Variants in PTPN4 observed in about 807,000 individuals in gnomAD.
The protein encoded by PTPN4 is tyrosine-protein phosphatase non-receptor type 4.
A neutral mutation model predicts 135.5 loss-of-function variants in PTPN4; 49 were observed. The observed-to-expected ratio is 0.36, with a 90% CI of 0.29 to 0.46. The LOEUF (loss-of-function observed/expected upper bound fraction) is 0.46, where lower values mean the gene tolerates loss of function less well. PTPN4 is among the 20% of genes least tolerant of loss of function. The pLI is 1.00. For missense variants in PTPN4, 860 were observed against 1,101.0 expected, an observed-to-expected ratio of 0.78 and a Z score of 3.10; for synonymous variants, 333 against 369.9, an observed-to-expected ratio of 0.90 and a Z score of 1.14.
intron 1 of PTPN4, among the ~76,000 whole-genome samples, chr2:119,801,905 T>G (rs1391126144): frequency 1.4e-5 from 2 of 145,964 alleles, no homozygotes; most frequent in Non-Finnish European, 3.0e-5. Context: ...TTTCCGTTTT[T>G]TTTTTTTTTT....
chr2:119,883,460 T>A (rs1678109706), intron 8 of PTPN4, among the ~76,000 whole-genome samples: 1 of 152,184 alleles, frequency 6.6e-6, no homozygotes, highest in South Asian at 2.1e-4. Context: ...TTTTTTTGTG[T>A]GAGTATAATT....
chr2:119,835,215 C>T (rs1272824931), intron 2 of PTPN4, among the ~76,000 whole-genome samples: 1 of 152,064 alleles, frequency 6.6e-6, no homozygotes, highest in Non-Finnish European at 1.5e-5. Context: ...GACAGAGTCT[C>T]ACTCTGTCGC....
chr2:119,889,530 T>C (rs1383300150), intron 9 of PTPN4, among the ~76,000 whole-genome samples: 1 of 152,248 alleles, frequency 6.6e-6, no homozygotes, highest in Non-Finnish European at 1.5e-5. Flanking sequence ...TCTTGGTTAG[T>C]CTAGCAGTTT....
intron 15 of PTPN4, among the ~76,000 whole-genome samples, chr2:119,936,056 G>T (rs953689084): frequency 2.0e-5 from 3 of 151,716 alleles, no homozygotes; most frequent in Non-Finnish European, 4.4e-5. Flanking sequence ...AGGCGGGAGT[G>T]CAGTGGCGCT....
chr2:119,908,606 G>C (rs1678523594), intron 10 of PTPN4, among the ~76,000 whole-genome samples: 1 of 152,070 alleles, frequency 6.6e-6, no homozygotes, highest in Non-Finnish European at 1.5e-5. Context: ...GGAACTCCCT[G>C]TTCACTGAGA....
intron 2 of PTPN4, among the ~76,000 whole-genome samples, chr2:119,851,198 G>C (rs1030159963): frequency 6.6e-6 from 1 of 152,162 alleles, no homozygotes; most frequent in Non-Finnish European, 1.5e-5. Flanking sequence ...GGTTTGCTTT[G>C]AAACTGTTGT....
chr2:119,923,379 C>A (rs755845129), intron 12 of PTPN4, among the ~76,000 whole-genome samples: 1 of 152,110 alleles, frequency 6.6e-6, no homozygotes, highest in African/African-American at 2.4e-5. Flanking sequence ...CTCTAAACAA[C>A]AACAAACAGT....
At chr2:119,885,647 A>G (rs1678144671) in intron 8 of PTPN4, 148 bp from the exon 9 acceptor site, 2 of 446,244 alleles carry the variant, frequency 4.5e-6, no homozygotes, top group Non-Finnish European at 8.0e-6. Flanking sequence ...TGTGCCCTCC[A>G]GATAAGTTAG....
intron 3 of PTPN4, among the ~76,000 whole-genome samples, chr2:119,866,299 G>A (rs1466961290): frequency 1.3e-5 from 2 of 151,980 alleles, no homozygotes; most frequent in African/African-American, 4.8e-5. Flanking sequence ...AGGATAGAGG[G>A]TAGATTATTA....
rs1282804905 is a variant in PTPN4, at chr2:119,918,425, A to G, written c.829-1644A>G. On this transcript the variant is annotated intron_variant, in intron 11 of 26. Transcript: ENST00000263708. ...GTATAGACCATTATATAATACACAC[A>G]GAATCCTTGGTTGTATATGCATCCT... 2.0e-5 allele frequency among the ~76,000 whole-genome samples: 3 copies of G among 152,350 alleles called. No homozygotes were observed. In the East Asian group the frequency reaches 5.8e-4, roughly 29 times the overall value.
rs114308376 is a variant in PTPN4 at position 119,834,319 on chromosome 2, A to G, written c.138+24328A>G. On this transcript the variant is annotated intron_variant, in intron 2 of 26. Coordinates refer to ENST00000263708, the MANE Select transcript of PTPN4 (RefSeq NM_002830.4). ...TCCCCAAAATTCACACACCTTTCCC[A>G]TGGCTTACTTTTTAAGAAACCTGTC... Among the ~76,000 whole-genome samples the G allele has an allele frequency of 3.3e-3, 496 of 152,200 alleles. 2 individuals carry two copies. The highest frequency in any genetic ancestry group is 0.011 in the African/African-American group (467 of 41,514).
At chr2:119,804,292 A>T (rs1254259266) in intron 1 of PTPN4, among the ~76,000 whole-genome samples, 2 of 150,790 alleles carry the variant, frequency 1.3e-5, no homozygotes, top group East Asian at 2.0e-4. Context: ...TTTTTTTTTT[A>T]ATTATACTTT....
chr2:119,976,124 T>A (rs918206810), intron 26 of PTPN4, among the ~76,000 whole-genome samples: 1 of 151,492 alleles, frequency 6.6e-6, no homozygotes, highest in Non-Finnish European at 1.5e-5. Flanking sequence ...GCCTCCTGAG[T>A]AGCTGGGACT....
chr2:119,926,185 A>G (rs1678821436), intron 12 of PTPN4, among the ~76,000 whole-genome samples: 1 of 152,212 alleles, frequency 6.6e-6, no homozygotes, highest in East Asian at 1.9e-4. Flanking sequence ...TGCTCTGAGA[A>G]CTTTTATTAA....
At chr2:119,915,293 A>AC in intron 11 of PTPN4, 51 bp downstream of exon 11, 2 of 1,414,410 alleles carry the variant, frequency 1.4e-6, no homozygotes, top group Non-Finnish European at 1.9e-6. Context: ...TTTAAGAAAT[A>AC]CCCATTCATG....
chr2:119,929,575 C>T (rs772607082), intron 13 of PTPN4, among the ~76,000 whole-genome samples: 102 of 152,152 alleles, frequency 6.7e-4, no homozygotes, highest in Non-Finnish European at 1.2e-3. Context: ...AAACAATGTT[C>T]TCATACAACA....
intron 3 of PTPN4, among the ~76,000 whole-genome samples, chr2:119,865,792 A>G (rs1033770732): frequency 6.6e-6 from 1 of 152,086 alleles, no homozygotes; most frequent in Non-Finnish European, 1.5e-5. Flanking sequence ...TTTATATATT[A>G]GTTTTAGAGA....
At chr2:119,766,123 C>T (rs1300157202) in intron 1 of PTPN4, among the ~76,000 whole-genome samples, 6 of 152,044 alleles carry the variant, frequency 3.9e-5, no homozygotes, top group Admixed American at 6.6e-5. Flanking sequence ...ATCAGATCCC[C>T]CTCCCCACCC....
intron 1 of PTPN4, among the ~76,000 whole-genome samples, chr2:119,787,298 T>C (rs1003194046): frequency 5.3e-5 from 8 of 152,236 alleles, no homozygotes; most frequent in Non-Finnish European, 1.0e-4. Context: ...CTGATGTTTC[T>C]ATATAATACA....
Sources: gnomAD v4.1 joint callset for allele counts (sites outside exome capture counted in the v4.1 genomes callset) on GRCh38, gnomAD v4.1.1 for gene constraint, MANE v1.5 for transcripts, NCBI Gene and HGNC (gene_info 2026-07-23, HGNC 2026-07-21) for gene names.